Variants in LMNA observed in about 807,000 individuals in gnomAD.
The protein encoded by LMNA is lamin A/C, also known as lamin.
LMNA carries 20 observed loss-of-function variants against 70.4 expected under a neutral mutation model. The observed-to-expected ratio is 0.28, with a 90% CI of 0.20 to 0.41. LMNA has a LOEUF of 0.41. Among genes scored for constraint, LMNA ranks in the 10% least tolerant of loss-of-function variants. LMNA has a pLI of 1.00. For synonymous variants in LMNA, 339 were observed against 372.8 expected (o/e 0.91, Z 1.04); for missense variants, 652 against 917.2 (o/e 0.71, Z 3.73).
chr1:156,095,281 C>G (rs1338718839), intron 3 of LMNA, among the ~76,000 whole-genome samples: 1 of 151,962 alleles, frequency 6.6e-6, no homozygotes, highest in South Asian at 2.1e-4. Flanking sequence ...TCGGACTGAT[C>G]GCTCTCCATG....
chr1:156,095,490 C>T (rs1648901732), intron 3 of LMNA, among the ~76,000 whole-genome samples: 1 of 151,638 alleles, frequency 6.6e-6, no homozygotes, highest in Non-Finnish European at 1.5e-5. Context: ...AGGCACCTGC[C>T]ACCACACCCA....
chr1:156,138,740 T>A lies in LMNA; in HGVS notation c.1951T>A (p.Ser651Thr). The A allele has an allele frequency of 6.2e-7, 1 of 1,613,400 alleles. No individual in the cohort carries two copies. The highest frequency in any genetic ancestry group is 8.5e-7 in the Non-Finnish European group (1 of 1,180,006). ...CACCCGCTCCTACCTCCTGGGCAAC[T>A]CCAGCCCCCGAACCCAGGTGAGTTG... ...LVTRSYLLGNSSPRTQSPQNC... is the reference protein window; with the variant it reads ...LVTRSYLLGNTSPRTQSPQNC... Residue 651 changes from serine (S) to threonine (T), a missense_variant, in exon 11 of 12, where the codon TCC becomes ACC. Physicochemically the swap from Ser to Thr is moderately conservative, Grantham distance 58. Around this residue, in one of 4 missense-constraint regions of LMNA, gnomAD observed 327 missense variants for 387.6 expected, o/e 0.84. Coordinates refer to ENST00000368300, the MANE Select transcript of LMNA (RefSeq NM_170707.4). The surrounding 1 kb of genome is among the most constrained non-coding windows in gnomAD (Gnocchi z 5.5).
intron 3 of LMNA, among the ~76,000 whole-genome samples, chr1:156,094,926 A>T (rs1340312298): frequency 7.8e-6 from 1 of 127,748 alleles, no homozygotes; most frequent in African/African-American, 3.0e-5. Context: ...CAACCAGCTA[A>T]TTTTTTTTTT....
Position 156,136,947 on chromosome 1 carries a change from C to T in LMNA, c.1407C>T (p.Ile469=), listed in dbSNP as rs1471045711. ...NEDQSMGNWQ[I]KRQNGDDPLL... ...ACCAGTCCATGGGCAATTGGCAGAT[C>T]AAGCGCCAGAATGGAGATGATCCCT... Residue 469 remains isoleucine, a synonymous_variant, in exon 8 of 12, where the codon ATC becomes ATT. Transcript: ENST00000368300. This position sits in a 1 kb window ranked among gnomAD's most constrained non-coding sequence, Gnocchi z 6.1. 1 of 1,614,092 alleles carries T rather than the reference C, an allele frequency of 6.2e-7. No individual in the cohort carries two copies. The highest frequency in any genetic ancestry group is 8.5e-7 in the Non-Finnish European group (1 of 1,179,978).
rs397517897 is a variant in LMNA at position 156,138,562 on chromosome 1, C to T, written c.1773C>T (p.Cys591=). Reference sequence around the variant, plus strand: ...CGCGCACCGTGCTGTGCGGGACCTGCGGGCAGCCTGCCGACAAGGCATCTG... The same window carrying T: ...CGCGCACCGTGCTGTGCGGGACCTGTGGGCAGCCTGCCGACAAGGCATCTG... The part of the protein sequence containing the change: ...LRSRTVLCGT[C]GQPADKASAS... Residue 591 remains cysteine (C), a synonymous_variant, in exon 11 of 12, where the codon TGC becomes TGT. Transcript: ENST00000368300. This position sits in a 1 kb window ranked among gnomAD's most constrained non-coding sequence, Gnocchi z 5.5. 14 of 1,612,586 alleles carry T rather than the reference C, an allele frequency of 8.7e-6. No individual in the cohort carries two copies. The highest frequency in any genetic ancestry group is 1.6e-4 in the Middle Eastern group (1 of 6,062).
chr1:156,095,130 T>C (rs905375386), intron 3 of LMNA, among the ~76,000 whole-genome samples: 1 of 152,084 alleles, frequency 6.6e-6, no homozygotes, highest in Non-Finnish European at 1.5e-5. Context: ...GGTTGCACCA[T>C]GTTGGCCAGG....
At chr1:156,110,972 A>T (rs554779495), upstream of LMNA, among the ~76,000 whole-genome samples, 1 of 151,648 alleles carries the variant, frequency 6.6e-6, no homozygotes, top group Admixed American at 6.6e-5. Flanking sequence ...CGAGACTCCA[A>T]CTCAAAAAAA....
At chr1:156,117,236 C>A (rs1243624299) in intron 1 of LMNA, among the ~76,000 whole-genome samples, 5 of 149,554 alleles carry the variant, frequency 3.3e-5, no homozygotes, top group Admixed American at 1.3e-4. Context: ...GGCCATCAAC[C>A]TTTATTTTGT....
chr1:156,119,184 C>G (rs1650031565), intron 1 of LMNA, among the ~76,000 whole-genome samples: 1 of 150,466 alleles, frequency 6.6e-6, no homozygotes, highest in African/African-American at 2.5e-5. Flanking sequence ...GTGGTGCGAT[C>G]TCGGCTCATT....
intron 2 of LMNA, among the ~76,000 whole-genome samples, chr1:156,131,669 A>T (rs966423138): frequency 6.6e-6 from 1 of 152,138 alleles, no homozygotes; most frequent in South Asian, 2.1e-4. Context: ...CTGACCCTAG[A>T]TCCCTCCCAG....
chr1:156,130,477 C>G lies in LMNA; in HGVS notation c.357-140C>G, dbSNP rs930959725. 9 of 952,088 alleles carry G rather than the reference C, an allele frequency of 9.5e-6. No homozygotes were observed. The African/African-American group carries it at 1.4e-4, about 15-fold the overall frequency. 59.0% of individuals were successfully genotyped at this position (952,088 alleles called of 1,614,324 possible). On this transcript the variant is annotated intron_variant, in intron 1 of 11. Coordinates refer to ENST00000368300, the MANE Select transcript of LMNA (RefSeq NM_170707.4). The stretch of plus-strand genomic sequence containing the variant: ...AGCCCCAGAGGCAAGCAGATGCAAA[C>G]CAACCTAATGCAAGGATGCCCTCTC...
chr1:156,114,905 C>G lies in LMNA; in HGVS notation c.-14C>G. On this transcript the variant is annotated 5_prime_UTR_variant, in exon 1 of 12. Transcript: ENST00000368300. ...GACCCCTGCCCCGCGGGCAGCGCTG[C>G]CAACCTGCCGGCCATGGAGACCCCG... 6.5e-7 allele frequency: 1 copy of G among 1,530,910 alleles called. No homozygotes were observed. Among genetic ancestry groups the G allele is most frequent in the South Asian group, 1.2e-5 (1 of 81,670 alleles). The allele number at this position is 1,530,910 out of a possible 1,614,324, so 94.8% of individuals were successfully genotyped here.
upstream of LMNA, among the ~76,000 whole-genome samples, chr1:156,111,516 T>C (rs886129200): frequency 1.3e-5 from 2 of 152,064 alleles, no homozygotes; most frequent in African/African-American, 4.8e-5. Context: ...ATTTCACTCA[T>C]GCATGCTCCA....
At chr1:156,105,167 G>A (rs923117202) in intron 3 of LMNA, among the ~76,000 whole-genome samples, 1 of 152,226 alleles carries the variant, frequency 6.6e-6, no homozygotes, top group Non-Finnish European at 1.5e-5. Flanking sequence ...AGCTCACCCG[G>A]CAAAGAGGGC....
chr1:156,118,851 C>T (rs1650007869), intron 1 of LMNA, among the ~76,000 whole-genome samples: 1 of 152,136 alleles, frequency 6.6e-6, no homozygotes, highest in South Asian at 2.1e-4. Flanking sequence ...AATTTTTGAC[C>T]CAGCCTGGGT....
At chr1:156,082,790 T>C (rs568556727) in intron 1 of LMNA, 1 of 150,962 alleles carries the variant, frequency 6.6e-6, no homozygotes, top group African/African-American at 2.4e-5. Flanking sequence ...CGGCCGGTCC[T>C]GGGGGCCCGC....
rs151295346 is a variant in LMNA, at chr1:156,121,592, C to T, written c.356+6318C>T. 1.1e-4 allele frequency among the ~76,000 whole-genome samples: 17 copies of T among 152,044 alleles called. No individual in the cohort carries two copies. In the East Asian group the frequency reaches 3.1e-3, roughly 28 times the overall value. On this transcript the variant is annotated intron_variant, in intron 1 of 11. Coordinates refer to ENST00000368300, the MANE Select transcript of LMNA (RefSeq NM_170707.4). ...CAGTGATTCGGTAGCTTAGTGTCTG[C>T]GCTGAAGCCCAGGACAGCTGGATGG...
intron 2 of LMNA, among the ~76,000 whole-genome samples, chr1:156,131,590 T>C (rs1651067782): frequency 6.6e-6 from 1 of 152,082 alleles, no homozygotes; most frequent in Non-Finnish European, 1.5e-5. Flanking sequence ...ACCCTGTCTC[T>C]ACATAAATAA....
Position 156,136,008 on chromosome 1 carries a change from G to T in LMNA, c.1044G>T (p.Met348Ile), listed in dbSNP as rs587777892. The T allele has an allele frequency of 4.3e-6, 7 of 1,614,070 alleles. No individual in the cohort carries two copies. Among genetic ancestry groups the T allele is most frequent in the Non-Finnish European group, 5.9e-6 (7 of 1,180,054 alleles). ...AAAAGGAGCGGGAGATGGCCGAGAT[G>T]CGGGCAAGGATGCAGCAGCAGCTGG... ...LAEKEREMAE[M>I]RARMQQQLDE... The change falls in exon 6 of 12, where the codon ATG (methionine) becomes ATT (isoleucine). Residue 348 changes from methionine (M) to isoleucine (I), a missense_variant. By Grantham distance (10) the Met-to-Ile change is conservative. This residue lies in a region of LMNA where 33 missense variants were observed against 75.3 expected (regional missense o/e 0.44). Coordinates refer to ENST00000368300, the MANE Select transcript of LMNA (RefSeq NM_170707.4). The surrounding 1 kb of genome is among the most constrained non-coding windows in gnomAD (Gnocchi z 6.1).
Sources: gnomAD v4.1 joint callset for allele counts (sites outside exome capture counted in the v4.1 genomes callset) on GRCh38, gnomAD v4.1.1 for gene constraint, gnomAD v4.1.1 regional missense constraint, Gnocchi (gnomAD v3.1) non-coding constraint, MANE v1.5 for transcripts, NCBI Gene and HGNC (gene_info 2026-07-23, HGNC 2026-07-21) for gene names.